PTPRU: variants seen among roughly 807,000 people sequenced by gnomAD.
The protein encoded by PTPRU is protein tyrosine phosphatase receptor type U.
In PTPRU, 69 loss-of-function variants were observed where a neutral mutation model predicts 166.3. The observed-to-expected ratio is 0.41, with a 90% CI of 0.34 to 0.51. The LOEUF is 0.51. Among genes scored for constraint, PTPRU ranks in the 20% least tolerant of loss-of-function variants. The probability of loss-of-function intolerance (pLI) is 0.09; values close to 1 mark genes in which losing one functional copy is unlikely to be tolerated. For synonymous variants in PTPRU, 793 were observed against 814.0 expected (o/e 0.97, Z 0.44); for missense variants, 1,657 against 2,013.7 (o/e 0.82, Z 3.39).
In PTPRU at chr1:29,311,578, G is replaced by T; in HGVS notation, c.2955+25G>T. 1.2e-6 allele frequency: 2 copies of T among 1,614,162 alleles called. No individual in the cohort carries two copies. The highest frequency in any genetic ancestry group is 1.7e-6 in the Non-Finnish European group (2 of 1,179,992). On this transcript the variant is annotated intron_variant, in intron 20 of 29. Transcript: ENST00000373779. This position sits in a 1 kb window ranked among gnomAD's most constrained non-coding sequence, Gnocchi z 4.1. Reference sequence around the variant, plus strand: ...GGTAAGCCGGGCTGTGGGGCGAGCTGGGGCGCATGGCAGGCCAAGGGGGCA... The same window carrying T: ...GGTAAGCCGGGCTGTGGGGCGAGCTTGGGCGCATGGCAGGCCAAGGGGGCA...
intron 16 of PTPRU, 95 bp downstream of exon 16, chr1:29,304,140 C>T (rs1027558272): frequency 1.5e-6 from 2 of 1,378,018 alleles, no homozygotes; most frequent in Admixed American, 5.1e-5. Flanking sequence ...TCAGCCTAGT[C>T]CTGGTTGGAC....
intron 7 of PTPRU, among the ~76,000 whole-genome samples, chr1:29,269,564 A>G (rs559247406): frequency 1.3e-5 from 2 of 151,942 alleles, no homozygotes; most frequent in Non-Finnish European, 2.9e-5. Flanking sequence ...GCCCTTCTGA[A>G]TTACACGGTT....
At chr1:29,292,088 G>C in intron 15 of PTPRU, 62 bp downstream of exon 15, 1 of 1,587,600 alleles carries the variant, frequency 6.3e-7, no homozygotes, top group Non-Finnish European at 8.6e-7. Flanking sequence ...TGAGACAATA[G>C]GGTCCCCACA....
In PTPRU at chr1:29,284,038, G is replaced by C. The variant is rs1286551050; in HGVS notation, c.2179+62G>C. ...GGTTTCTCACCTGCCCAGCGCTGGG[G>C]AGGTGGATCCTGAGGACCTACGGCT... On this transcript the variant is annotated intron_variant, in intron 13 of 29. Coordinates refer to ENST00000373779, the MANE Select transcript of PTPRU (RefSeq NM_133178.4). 3.1e-6 allele frequency: 5 copies of C among 1,587,704 alleles called. No individual in the cohort carries two copies. In the East Asian group the frequency reaches 6.7e-5, roughly 21 times the overall value.
Position 29,282,797 on chromosome 1 carries a change from T to A in PTPRU, c.1990T>A (p.Tyr664Asn). The change falls in exon 12 of 30, where the codon TAC becomes AAC. Residue 664 changes from tyrosine to asparagine, a missense_variant. Physicochemically the swap from Tyr to Asn is moderately radical, Grantham distance 143. Around this residue, in one of 3 missense-constraint regions of PTPRU, gnomAD observed 1,190 missense variants for 1,477.4 expected, o/e 0.81. Coordinates refer to ENST00000373779, the MANE Select transcript of PTPRU (RefSeq NM_133178.4). Reference protein sequence around the residue: ...EAALARGLVHYFGAELAASSL... With the variant: ...EAALARGLVHNFGAELAASSL... ...GGCGCTGGCCCGAGGCCTGGTGCAC[T>A]ACTTCGGGGCCGAACTGGCGGCCAG... The A allele has an allele frequency of 6.2e-7, 1 of 1,614,150 alleles. No individual in the cohort carries two copies. Among genetic ancestry groups the A allele is most frequent in the South Asian group, 1.1e-5 (1 of 91,088 alleles).
At position 29,260,308 on chromosome 1, in the gene PTPRU, TC is replaced by T. The variant is rs1414425176; in HGVS notation, c.850+265del. The T allele has an allele frequency of 1.2e-5, 6 of 480,202 alleles. No individual in the cohort carries two copies. The highest frequency in any genetic ancestry group is 4.2e-5 in the Admixed American group (1 of 24,066). 29.7% of individuals were successfully genotyped at this position (480,202 alleles called of 1,614,324 possible). ...GGGGTGGGGTTCTGGCTGTGTGACT[TC>T]TGTGTTGATCCTAGCTGGCCTGCGG... On this transcript the variant is annotated intron_variant, in intron 6 of 29. Transcript: ENST00000373779. The surrounding 1 kb of genome is among the most constrained non-coding windows in gnomAD (Gnocchi z 8.3).
chr1:29,294,446 G>A (rs754668518), intron 15 of PTPRU, among the ~76,000 whole-genome samples: 1 of 152,056 alleles, frequency 6.6e-6, no homozygotes, highest in African/African-American at 2.4e-5. Flanking sequence ...TGGTTTTTAG[G>A]AGTTCTTTAT....
In PTPRU at chr1:29,236,555, C is replaced by G; in HGVS notation, c.-90C>G. On this transcript the variant is annotated 5_prime_UTR_variant, in exon 1 of 30. Transcript: ENST00000373779. This position sits in a 1 kb window ranked among gnomAD's most constrained non-coding sequence, Gnocchi z 4.6. ...TCCGCGCCGCGCCGCTCCGCTCCGG[C>G]TCGGGCTCCGGCTCGCCTCGGGCTG... The G allele has an allele frequency of 9.8e-7, 1 of 1,024,468 alleles. No individual in the cohort carries two copies. The highest frequency in any genetic ancestry group is 1.2e-6 in the Non-Finnish European group (1 of 823,344). 63.5% of individuals were successfully genotyped at this position (1,024,468 alleles called of 1,614,324 possible).
intron 5 of PTPRU, 90 bp downstream of exon 5, chr1:29,259,654 C>G (rs1684948710): frequency 8.2e-6 from 11 of 1,342,734 alleles, no homozygotes; most frequent in African/African-American, 1.4e-5. Flanking sequence ...TTGCTGAGTC[C>G]CTGCTTCATA....
chr1:29,267,371 G>T (rs961379658), intron 7 of PTPRU, among the ~76,000 whole-genome samples: 2 of 152,196 alleles, frequency 1.3e-5, no homozygotes, highest in Non-Finnish European at 2.9e-5. Flanking sequence ...ACCGAGGGAG[G>T]ACTTTATGGC....
chr1:29,259,600 T>TGGGGGGGGGGGGG, intron 5 of PTPRU, 36 bp downstream of exon 5: 1 of 253,692 alleles, frequency 3.9e-6, no homozygotes, highest in Non-Finnish European at 7.7e-6. Flanking sequence ...GGGGGCGGGG[T>TGGGGGGGGGGGGG]GGGAGGGGGT....
chr1:29,302,549 A>AT (rs971385459), intron 15 of PTPRU, among the ~76,000 whole-genome samples: 82 of 150,856 alleles, frequency 5.4e-4, no homozygotes, highest in African/African-American at 1.6e-3. Context: ...ATTTATTATG[A>AT]TTTTTTTTTC....
chr1:29,269,141 T>C (rs1685426499), intron 7 of PTPRU, among the ~76,000 whole-genome samples: 1 of 147,460 alleles, frequency 6.8e-6, no homozygotes. Context: ...ACTCCTGGGC[T>C]CAAGTGATCC....
At chr1:29,306,395 G>T (rs1243252391) in intron 18 of PTPRU, among the ~76,000 whole-genome samples, 1 of 152,246 alleles carries the variant, frequency 6.6e-6, no homozygotes, top group Non-Finnish European at 1.5e-5. Flanking sequence ...GGGCACCAGG[G>T]ATACAGATGT....
intron 18 of PTPRU, among the ~76,000 whole-genome samples, chr1:29,309,582 T>G (rs1687555974): frequency 6.6e-6 from 1 of 152,252 alleles, no homozygotes; most frequent in African/African-American, 2.4e-5. Context: ...GAATAAGTAC[T>G]GACTTTGTGC....
At chr1:29,303,044 C>T (rs188373128) in intron 15 of PTPRU, among the ~76,000 whole-genome samples, 141 of 152,264 alleles carry the variant, frequency 9.3e-4, no homozygotes, top group African/African-American at 3.2e-3. Flanking sequence ...CTGTGGTGTT[C>T]GCACAAAGAC....
chr1:29,316,873 C>G (rs1002267190), intron 24 of PTPRU, among the ~76,000 whole-genome samples: 2 of 152,122 alleles, frequency 1.3e-5, no homozygotes, highest in Non-Finnish European at 2.9e-5. Flanking sequence ...AGGCCTGGCT[C>G]TTGGGGCAGG....
chr1:29,263,943 G>A (rs971811337), intron 7 of PTPRU, among the ~76,000 whole-genome samples: 2 of 152,088 alleles, frequency 1.3e-5, no homozygotes, highest in Admixed American at 6.5e-5. Context: ...TTGGGGGGCC[G>A]AGGAGGGCAG....
At chr1:29,247,563 C>A (rs2151940618) in intron 1 of PTPRU, among the ~76,000 whole-genome samples, 1 of 152,370 alleles carries the variant, frequency 6.6e-6, no homozygotes, top group Non-Finnish European at 1.5e-5. Flanking sequence ...CTACTCTATA[C>A]TCTGTCTTCG....
Sources: allele counts gnomAD v4.1 joint callset (sites outside exome capture counted in the v4.1 genomes callset), GRCh38; gene constraint gnomAD v4.1.1; regional missense constraint gnomAD v4.1.1; non-coding constraint Gnocchi (gnomAD v3.1); transcripts MANE v1.5; gene names NCBI Gene and HGNC (gene_info 2026-07-23, HGNC 2026-07-21).